PCED1B: variants seen among roughly 807,000 people sequenced by gnomAD.
PCED1B encodes PC-esterase domain containing 1B.
For synonymous variants in PCED1B, 251 were observed against 246.1 expected, an observed-to-expected ratio of 1.02 and a Z score of -0.19; for missense variants, 573 against 573.9, an observed-to-expected ratio of 1.00 and a Z score of 0.02.
chr12:47,185,338 A>G (rs1469547839), intron 2 of PCED1B, among the ~76,000 whole-genome samples: 1 of 152,226 alleles, frequency 6.6e-6, no homozygotes, highest in Non-Finnish European at 1.5e-5. Flanking sequence ...GAAGGCAGAG[A>G]CACACACAGA....
At chr12:47,084,387 A>C (rs1274891409) in intron 1 of PCED1B, among the ~76,000 whole-genome samples, 1 of 152,194 alleles carries the variant, frequency 6.6e-6, no homozygotes, top group Admixed American at 6.5e-5. Flanking sequence ...CCTAAGGCAA[A>C]CTGAACCATC....
chr12:47,113,955 A>G (rs1475834051), intron 2 of PCED1B, among the ~76,000 whole-genome samples: 1 of 86,290 alleles, frequency 1.2e-5, no homozygotes, highest in Non-Finnish European at 2.5e-5. Flanking sequence ...CATCTAAAAA[A>G]GAAAAAAAAA....
intron 2 of PCED1B, among the ~76,000 whole-genome samples, chr12:47,155,064 C>A (rs1206975983): frequency 6.6e-6 from 1 of 152,118 alleles, no homozygotes. Context: ...ATGATTCTGA[C>A]ATGTCTTCTC....
chr12:47,084,344 T>C (rs1230496943), intron 1 of PCED1B, among the ~76,000 whole-genome samples: 3 of 152,362 alleles, frequency 2.0e-5, no homozygotes, highest in Middle Eastern at 6.8e-3. Context: ...ACTGAATGTG[T>C]ATCACTTTTG....
chr12:47,189,128 T>C (rs1942366315), intron 2 of PCED1B, among the ~76,000 whole-genome samples: 1 of 152,236 alleles, frequency 6.6e-6, no homozygotes, highest in Admixed American at 6.5e-5. Context: ...ATCTTCTTTT[T>C]CTTCAGCTTT....
At chr12:47,174,415 A>AC (rs929046803) in intron 2 of PCED1B, among the ~76,000 whole-genome samples, 2 of 151,348 alleles carry the variant, frequency 1.3e-5, no homozygotes, top group Non-Finnish European at 2.9e-5. Flanking sequence ...TCCAAAAAAA[A>AC]AAAACAAACA....
At chr12:47,214,008 A>G (rs1943172564) in intron 2 of PCED1B, among the ~76,000 whole-genome samples, 1 of 152,264 alleles carries the variant, frequency 6.6e-6, no homozygotes, top group East Asian at 1.9e-4. Context: ...CTACAGAACT[A>G]GAAAGATTTG....
In PCED1B at chr12:47,159,585, CT is replaced by C. The variant is rs375256054; in HGVS notation, c.-526+55399del. ...TTTGCCCACTTTTTAATAGGATTTT[CT>C]TTTTTTTTACTGTTGAGCTCTCGGT... On this transcript the variant is annotated intron_variant, in intron 2 of 3. Coordinates refer to ENST00000546455, the MANE Select transcript of PCED1B (RefSeq NM_138371.3). Among the ~76,000 whole-genome samples, 43 of 150,070 alleles carry C rather than the reference CT, an allele frequency of 2.9e-4. No individual in the cohort carries two copies. The East Asian group carries it at 6.0e-3, about 21-fold the overall frequency.
chr12:47,128,928 A>G (rs1940006372), intron 2 of PCED1B, among the ~76,000 whole-genome samples: 1 of 152,250 alleles, frequency 6.6e-6, no homozygotes, highest in Non-Finnish European at 1.5e-5. Context: ...AAAGTGCGGA[A>G]GTGCAGAAAG....
intron 2 of PCED1B, among the ~76,000 whole-genome samples, chr12:47,112,115 A>G (rs1213659790): frequency 1.3e-5 from 2 of 152,212 alleles, no homozygotes; most frequent in Non-Finnish European, 2.9e-5. Context: ...TTTAGCAGTA[A>G]GAATAGGAGA....
intron 2 of PCED1B, among the ~76,000 whole-genome samples, chr12:47,115,083 T>C (rs1214744038): frequency 6.6e-6 from 1 of 152,166 alleles, no homozygotes; most frequent in African/African-American, 2.4e-5. Flanking sequence ...TAAAAAGGTA[T>C]ATAATAAAGC....
At chr12:47,191,951 G>A (rs760771162) in intron 2 of PCED1B, among the ~76,000 whole-genome samples, 2 of 151,962 alleles carry the variant, frequency 1.3e-5, no homozygotes, top group African/African-American at 4.8e-5. Flanking sequence ...CTAACATGGC[G>A]CTTGCCACAG....
intron 2 of PCED1B, among the ~76,000 whole-genome samples, chr12:47,108,292 T>G (rs993116750): frequency 3.3e-5 from 5 of 152,182 alleles, no homozygotes; most frequent in Admixed American, 6.5e-5. Context: ...CAGGTGCTGA[T>G]TTAGAAGCTG....
chr12:47,140,274 A>C (rs1940545909), intron 2 of PCED1B, among the ~76,000 whole-genome samples: 1 of 152,188 alleles, frequency 6.6e-6, no homozygotes, highest in South Asian at 2.1e-4. Context: ...CAACTTTGTA[A>C]ATATATAATG....
In PCED1B at chr12:47,119,124, G is replaced by A. The variant is rs975983418; in HGVS notation, c.-526+14929G>A. 3.8e-4 allele frequency among the ~76,000 whole-genome samples: 58 copies of A among 152,190 alleles called. 2 individuals carry two copies. Among genetic ancestry groups the A allele is most frequent in the African/African-American group, 1.3e-3 (54 of 41,514 alleles). ...TGATTTTCAACAGTGATGCAAAAAC[G>A]TTCAATGAGGGAAGAATAGTCTTTT... On this transcript the variant is annotated intron_variant, in intron 2 of 3. Coordinates refer to ENST00000546455, the MANE Select transcript of PCED1B (RefSeq NM_138371.3).
At chr12:47,147,416 T>C (rs1335349934) in intron 2 of PCED1B, among the ~76,000 whole-genome samples, 2 of 152,212 alleles carry the variant, frequency 1.3e-5, no homozygotes, top group Non-Finnish European at 2.9e-5. Context: ...TTTACTTCAG[T>C]TTCCAATTCC....
At chr12:47,158,004 T>A (rs1252495091) in intron 2 of PCED1B, among the ~76,000 whole-genome samples, 1 of 152,250 alleles carries the variant, frequency 6.6e-6, no homozygotes, top group Non-Finnish European at 1.5e-5. Context: ...AATTTTCAAT[T>A]GTATGTATGT....
chr12:47,200,813 A>G (rs1053044529), intron 2 of PCED1B, among the ~76,000 whole-genome samples: 2 of 152,256 alleles, frequency 1.3e-5, no homozygotes, highest in Non-Finnish European at 2.9e-5. Flanking sequence ...CTGCAGAGTA[A>G]GTGGAAAAAA....
intron 2 of PCED1B, among the ~76,000 whole-genome samples, chr12:47,104,967 C>G (rs1938881249): frequency 6.6e-6 from 1 of 152,216 alleles, no homozygotes; most frequent in Non-Finnish European, 1.5e-5. Flanking sequence ...CTTTTGTACT[C>G]TGACTTCTGT....
Sources: gnomAD v4.1 joint callset for allele counts (sites outside exome capture counted in the v4.1 genomes callset) on GRCh38, gnomAD v4.1.1 for gene constraint, MANE v1.5 for transcripts, NCBI Gene and HGNC (gene_info 2026-07-23, HGNC 2026-07-21) for gene names.